RNF130: variants seen among roughly 807,000 people sequenced by gnomAD.
The protein encoded by RNF130 is ring finger protein 130, also known as E3 ubiquitin-protein ligase RNF130.
RNF130 carries 21 observed loss-of-function variants against 44.6 expected under a neutral mutation model. The ratio of observed to expected loss-of-function variants is 0.47; its 90% CI spans 0.33 to 0.68. RNF130 has a LOEUF of 0.68. Among genes scored for constraint, RNF130 ranks in the 30% least tolerant of loss-of-function variants. The probability of loss-of-function intolerance (pLI) is 0.02; values close to 1 mark genes in which losing one functional copy is unlikely to be tolerated. For synonymous variants in RNF130, 214 were observed against 210.4 expected, an observed-to-expected ratio of 1.02 and a Z score of -0.15; for missense variants, 479 against 560.6, an observed-to-expected ratio of 0.85 and a Z score of 1.47.
chr5:180,067,988 T>C (rs1446099308), intron 1 of RNF130, among the ~76,000 whole-genome samples: 1 of 152,242 alleles, frequency 6.6e-6, no homozygotes, highest in African/African-American at 2.4e-5. Flanking sequence ...TTGAGTTTTA[T>C]TGTATCCCTA....
downstream of RNF130, among the ~76,000 whole-genome samples, chr5:179,951,545 G>A (rs190611683): frequency 0.021 from 3,149 of 152,082 alleles, 98 homozygotes; most frequent in African/African-American, 0.062. Flanking sequence ...CACCACGCCC[G>A]GCTAATTTTT....
chr5:179,936,601 T>C (rs1185390125), intron 7 of RNF130, among the ~76,000 whole-genome samples: 1 of 152,222 alleles, frequency 6.6e-6, no homozygotes, highest in African/African-American at 2.4e-5. Flanking sequence ...TACTTTACTA[T>C]TTTCTGGTTT....
chr5:180,013,272 C>T lies in RNF130; in HGVS notation c.482G>A (p.Arg161Lys). The T allele has an allele frequency of 1.9e-6, 3 of 1,613,680 alleles. No homozygotes were observed. The highest frequency in any genetic ancestry group is 2.5e-6 in the Non-Finnish European group (3 of 1,179,640). ...DIIAVMITEL[R>K]GKDILSYLEK... ...CAGATAACTCAAAATATCCTTACCC[C>T]TCAATTCTGTTATCATGACAGCAAT... Residue 161 changes from arginine (R) to lysine (K), a missense_variant, in exon 3 of 9, where the codon AGG becomes AAG. Physicochemically the swap from Arg to Lys is conservative, Grantham distance 26. Coordinates refer to ENST00000521389, the MANE Select transcript of RNF130 (RefSeq NM_018434.6).
chr5:180,050,707 ATCTT>A (rs138680885), intron 1 of RNF130, among the ~76,000 whole-genome samples: 1,825 of 152,312 alleles, frequency 0.012, 41 homozygotes, highest in African/African-American at 0.042. Flanking sequence ...ATCTGAAAAC[ATCTT>A]TCTTTTGTTC....
chr5:179,951,757 A>T (rs933387332), downstream of RNF130, among the ~76,000 whole-genome samples: 45 of 152,316 alleles, frequency 3.0e-4, no homozygotes, highest in African/African-American at 1.1e-3. Context: ...TTGGAAATCT[A>T]CAACAGAAGG....
intron 2 of RNF130, among the ~76,000 whole-genome samples, chr5:180,015,014 A>T (rs570792720): frequency 5.3e-5 from 8 of 152,310 alleles, no homozygotes; most frequent in Admixed American, 3.9e-4. Context: ...CAGTAAAAGG[A>T]GTTTTATGGA....
At position 179,956,831 on chromosome 5, in the gene RNF130, G is replaced by A. The variant is rs1239989705; in HGVS notation, c.1245-1162C>T. On this transcript the variant is annotated intron_variant, in intron 8 of 8. Transcript: ENST00000521389. ...CCTGAGCTCTGGCGGGGCCAGACCA[G>A]GTCTCCATTACCTTCAGCACTGCGA... Among the ~76,000 whole-genome samples the A allele has an allele frequency of 3.3e-5, 5 of 152,336 alleles. No individual in the cohort carries two copies. In the South Asian group the frequency reaches 1.0e-3, roughly 32 times the overall value.
chr5:180,057,520 C>CCG (rs1372581293), intron 1 of RNF130, among the ~76,000 whole-genome samples: 42 of 152,174 alleles, frequency 2.8e-4, no homozygotes, highest in Admixed American at 5.2e-4. Flanking sequence ...TGCGCTCCAG[C>CCG]CTGGGTGACA....
intron 5 of RNF130, among the ~76,000 whole-genome samples, chr5:179,971,087 C>T (rs768287128): frequency 2.6e-5 from 4 of 152,040 alleles, no homozygotes; most frequent in East Asian, 1.9e-4. Context: ...GAAATGTTAA[C>T]GGGGGAGGAT....
intron 2 of RNF130, among the ~76,000 whole-genome samples, chr5:180,018,395 A>G (rs927438014): frequency 2.6e-5 from 4 of 152,220 alleles, no homozygotes; most frequent in Non-Finnish European, 4.4e-5. Flanking sequence ...CAATCATGGC[A>G]GAAGGCACCT....
At chr5:179,920,241 G>T in exon 8 of RNF130, 1 of 660,304 alleles carries the variant, frequency 1.5e-6, no homozygotes, top group South Asian at 1.6e-5. Flanking sequence ...GCTGACAGGA[G>T]AATACAAAAT....
intron 3 of RNF130, among the ~76,000 whole-genome samples, chr5:179,997,775 T>C (rs1021592201): frequency 1.3e-5 from 2 of 151,150 alleles, no homozygotes; most frequent in Admixed American, 6.6e-5. Context: ...CCCTTTAGTC[T>C]TGATTTCACT....
Position 179,966,977 on chromosome 5 carries a change from C to T in RNF130, c.979G>A (p.Asp327Asn), listed in dbSNP as rs573209518. The T allele has an allele frequency of 1.6e-5, 26 of 1,614,176 alleles. No homozygotes were observed. The highest frequency in any genetic ancestry group is 3.3e-5 in the Admixed American group (2 of 60,034). ...NLPCTDNVAF[D>N]MERLTRTQAV... ...TGGGTTCTGGTGAGCCTTTCCATAT[C>T]GAATGCTACGTTATCAGTACATGGC... The change falls in exon 7 of 9, where the codon GAT (aspartate) becomes AAT (asparagine). Residue 327 changes from aspartate (D) to asparagine (N), a missense_variant. Transcript: ENST00000521389.
intron 2 of RNF130, among the ~76,000 whole-genome samples, chr5:180,019,957 T>C (rs1056340192): frequency 3.1e-4 from 47 of 152,276 alleles, no homozygotes; most frequent in Middle Eastern, 3.4e-3. Context: ...TAGTGGTTCA[T>C]GCAATCTGGG....
chr5:180,013,397 A>G (rs996883627), intron 2 of RNF130, 86 bp from the exon 3 acceptor site: 90 of 1,203,706 alleles, frequency 7.5e-5, no homozygotes, highest in African/African-American at 9.3e-5. Flanking sequence ...TTAGGTAACT[A>G]CTATAATGTC....
intron 3 of RNF130, among the ~76,000 whole-genome samples, chr5:179,994,253 T>C (rs2080812395): frequency 6.6e-6 from 1 of 152,202 alleles, no homozygotes; most frequent in Non-Finnish European, 1.5e-5. Flanking sequence ...ATGAAGAAAG[T>C]CATTGGTAGC....
chr5:179,925,508 CATTT>C (rs537835723), intron 7 of RNF130, among the ~76,000 whole-genome samples: 380 of 152,030 alleles, frequency 2.5e-3, no homozygotes, highest in African/African-American at 3.1e-3. Context: ...TCTGTTTTTT[CATTT>C]ATTTATTTAT....
At chr5:180,057,217 G>A (rs1010878946) in intron 1 of RNF130, among the ~76,000 whole-genome samples, 15 of 152,344 alleles carry the variant, frequency 9.8e-5, no homozygotes, top group African/African-American at 3.6e-4. Flanking sequence ...AGGGGCTAAA[G>A]GTTGAGCCAA....
chr5:179,981,158 T>C (rs1039596524), intron 3 of RNF130, among the ~76,000 whole-genome samples: 2 of 146,924 alleles, frequency 1.4e-5, no homozygotes, highest in African/African-American at 5.0e-5. Flanking sequence ...TAAAGATAAA[T>C]AGGTGTAAAG....
Sources: allele counts gnomAD v4.1 joint callset (sites outside exome capture counted in the v4.1 genomes callset), GRCh38; gene constraint gnomAD v4.1.1; transcripts MANE v1.5; gene names NCBI Gene and HGNC (gene_info 2026-07-23, HGNC 2026-07-21).